Variants in CLVS1 observed in about 807,000 individuals in gnomAD.
The protein encoded by CLVS1 is clavesin 1.
Under a neutral mutation model 33.1 loss-of-function variants are expected in CLVS1, and 10 were observed. That is an observed-to-expected ratio of 0.30 (90% CI 0.19 to 0.51). CLVS1 has a LOEUF of 0.51. Ranked by LOEUF, CLVS1 falls within the 20% of genes least tolerant of loss-of-function variation. The pLI, the probability that CLVS1 is intolerant of heterozygous loss-of-function variation, is 0.97. For missense variants in CLVS1, 343 were observed against 433.4 expected (o/e 0.79, Z 1.85); for synonymous variants, 163 against 166.1 (o/e 0.98, Z 0.14).
intron 2 of CLVS1, among the ~76,000 whole-genome samples, chr8:61,187,589 C>A (rs1256409215): frequency 6.6e-6 from 1 of 152,026 alleles, no homozygotes; most frequent in Non-Finnish European, 1.5e-5. Flanking sequence ...GACAGTTTGC[C>A]CAGAAGGCCA....
chr8:61,312,997 C>A (rs1810886524), intron 2 of CLVS1, among the ~76,000 whole-genome samples: 1 of 152,122 alleles, frequency 6.6e-6, no homozygotes, highest in African/African-American at 2.4e-5. Context: ...TTTCCTTATC[C>A]AAAGGTCATC....
rs543656218 is a variant in CLVS1, at chr8:61,216,013, A to G, written c.-151-83664A>G. 5.3e-5 allele frequency among the ~76,000 whole-genome samples: 8 copies of G among 152,298 alleles called. No homozygotes were observed. The South Asian group carries it at 1.2e-3, about 24-fold the overall frequency. On this transcript the variant is annotated intron_variant, in intron 2 of 2. Transcript: ENST00000522621. ...AAAGGAGTTATCTTATATAGGGCAG[A>G]TTAACCAACAGGCAGGGTGGGAGGA...
At chr8:61,491,030 A>T (rs1460082023) in intron 5 of CLVS1, among the ~76,000 whole-genome samples, 1 of 152,190 alleles carries the variant, frequency 6.6e-6, no homozygotes, top group Middle Eastern at 3.2e-3. Context: ...TGTATTGGGC[A>T]CATCCTAACT....
In CLVS1 at chr8:61,327,206, T is replaced by A. The variant is rs374027354; in HGVS notation, c.455+26924T>A. Among the ~76,000 whole-genome samples the A allele has an allele frequency of 1.6e-4, 25 of 152,320 alleles. 1 individual carries two copies. In the East Asian group the frequency reaches 3.7e-3, roughly 22 times the overall value. On this transcript the variant is annotated intron_variant, in intron 2 of 5. Coordinates refer to ENST00000325897, the MANE Select transcript of CLVS1 (RefSeq NM_173519.3). ...TAGTGAAAACAAAGCATTGTTTACA[T>A]ATATATTGCAATACATTTTTTCTTG...
intron 2 of CLVS1, among the ~76,000 whole-genome samples, chr8:61,358,550 A>T (rs1812842296): frequency 1.3e-5 from 2 of 152,206 alleles, no homozygotes; most frequent in Non-Finnish European, 2.9e-5. Context: ...TCCAAGGTAC[A>T]GTGGTGAACA....
chr8:61,347,449 T>C (rs889655677), intron 2 of CLVS1, among the ~76,000 whole-genome samples: 1 of 151,622 alleles, frequency 6.6e-6, no homozygotes, highest in Non-Finnish European at 1.5e-5. Context: ...AGTAGAGTGA[T>C]GGTTACCAGG....
the CLVS1 span, among the ~76,000 whole-genome samples, chr8:60,999,374 A>C: frequency 4.7e-4 from 71 of 152,310 alleles, no homozygotes; most frequent in African/African-American, 1.7e-3. Flanking sequence ...GTATTTGATG[A>C]GGAAGTGAAA....
chr8:61,378,541 A>G lies in CLVS1; in HGVS notation c.630+1762A>G, dbSNP rs1813739959. Among the ~76,000 whole-genome samples, 2 of 152,140 alleles carry G rather than the reference A, an allele frequency of 1.3e-5. 1 individual carries two copies. The highest frequency in any genetic ancestry group is 4.1e-4 in the South Asian group (2 of 4,828). Reference sequence around the variant, plus strand: ...CGCCAGGGTCCAAGACGAATTTCATAATGTCCTATGGCTTTGGTTAAGGAA... The same window carrying G: ...CGCCAGGGTCCAAGACGAATTTCATGATGTCCTATGGCTTTGGTTAAGGAA... On this transcript the variant is annotated intron_variant, in intron 3 of 5. Coordinates refer to ENST00000325897, the MANE Select transcript of CLVS1 (RefSeq NM_173519.3).
At chr8:61,392,043 A>G (rs146850558) in intron 3 of CLVS1, among the ~76,000 whole-genome samples, 291 of 152,318 alleles carry the variant, frequency 1.9e-3, no homozygotes, top group Non-Finnish European at 3.2e-3. Flanking sequence ...AGTTTATATA[A>G]TAACTCCATT....
chr8:61,378,347 T>A (rs1813731603), intron 3 of CLVS1: 1 of 152,176 alleles, frequency 6.6e-6, no homozygotes, highest in Non-Finnish European at 1.5e-5. Flanking sequence ...ATACGTCCCT[T>A]GAAAAGTTCA....
chr8:61,419,426 G>A (rs1031197910), intron 3 of CLVS1, among the ~76,000 whole-genome samples: 6 of 149,448 alleles, frequency 4.0e-5, no homozygotes, highest in Admixed American at 3.3e-4. Flanking sequence ...ATATTTAAAA[G>A]GTGTTGTGGT....
intron 1 of CLVS1, among the ~76,000 whole-genome samples, chr8:61,068,238 T>C (rs1410238034): frequency 6.8e-6 from 1 of 146,706 alleles, no homozygotes; most frequent in Non-Finnish European, 1.5e-5. Flanking sequence ...TGTATATATA[T>C]ATATATATAT....
At chr8:61,426,428 T>A (rs1018860828) in intron 3 of CLVS1, among the ~76,000 whole-genome samples, 5 of 152,250 alleles carry the variant, frequency 3.3e-5, no homozygotes, top group African/African-American at 1.2e-4. Context: ...TTGTGTCAGA[T>A]GTTTCTGTGT....
chr8:61,472,170 C>T (rs1387997603), intron 5 of CLVS1, among the ~76,000 whole-genome samples: 1 of 152,236 alleles, frequency 6.6e-6, no homozygotes, highest in Non-Finnish European at 1.5e-5. Context: ...TCTGTCTTAA[C>T]AGGGACCACA....
At chr8:61,180,049 G>C (rs914280202) in intron 2 of CLVS1, among the ~76,000 whole-genome samples, 3 of 152,002 alleles carry the variant, frequency 2.0e-5, no homozygotes, top group African/African-American at 7.2e-5. Context: ...ATGAATCCGG[G>C]AGCTGGTTTT....
At chr8:61,338,994 A>G (rs1353454693) in intron 2 of CLVS1, among the ~76,000 whole-genome samples, 1 of 125,490 alleles carries the variant, frequency 8.0e-6, no homozygotes, top group African/African-American at 3.3e-5. Flanking sequence ...GTGTGTGTGT[A>G]TGCATGTGAG....
At chr8:61,153,469 G>A (rs1299601716) in intron 2 of CLVS1, among the ~76,000 whole-genome samples, 2 of 152,246 alleles carry the variant, frequency 1.3e-5, no homozygotes, top group Non-Finnish European at 2.9e-5. Flanking sequence ...GTGGCTGTGG[G>A]CAAGGGATTT....
intron 1 of CLVS1, among the ~76,000 whole-genome samples, chr8:61,127,354 G>A (rs1441023995): frequency 3.3e-5 from 5 of 151,968 alleles, no homozygotes; most frequent in Non-Finnish European, 7.4e-5. Context: ...AGAGTAGCTG[G>A]GATTACAGGT....
At chr8:61,382,724 G>A (rs1813932880) in intron 3 of CLVS1, among the ~76,000 whole-genome samples, 1 of 152,144 alleles carries the variant, frequency 6.6e-6, no homozygotes, top group African/African-American at 2.4e-5. Flanking sequence ...CTAGAGCAGA[G>A]CCCAAGAATT....
Sources: allele counts gnomAD v4.1 joint callset (sites outside exome capture counted in the v4.1 genomes callset), GRCh38; gene constraint gnomAD v4.1.1; transcripts MANE v1.5; gene names NCBI Gene and HGNC (gene_info 2026-07-23, HGNC 2026-07-21).